Variants in OR3A2 observed in about 807,000 individuals in gnomAD.
The protein encoded by OR3A2 is olfactory receptor family 3 subfamily A member 2.
For missense variants in OR3A2, 318 were observed against 392.8 expected (o/e 0.81, Z 1.61); for synonymous variants, 126 against 159.3 (o/e 0.79, Z 1.57).
chr17:3,283,526 G>T (rs1010924212), intron 1 of OR3A2, among the ~76,000 whole-genome samples: 1 of 152,126 alleles, frequency 6.6e-6, no homozygotes, highest in Admixed American at 6.5e-5. Flanking sequence ...CGCCCGGCCG[G>T]TATCCAATAT....
At chr17:3,351,062 C>T (rs1248282939) in intron 2 of OR3A2, among the ~76,000 whole-genome samples, 2 of 151,394 alleles carry the variant, frequency 1.3e-5, no homozygotes, top group Non-Finnish European at 3.0e-5. Context: ...CTATGACAAA[C>T]CCACAGCCAA....
rs117552528 is a variant in OR3A2, at chr17:3,345,733, A to G, written c.-178-9607T>C. Among the ~76,000 whole-genome samples, 779 of 152,318 alleles carry G rather than the reference A, an allele frequency of 5.1e-3. 5 individuals are homozygous for G. Among genetic ancestry groups the G allele is most frequent in the Non-Finnish European group, 8.1e-3 (552 of 68,022 alleles). On this transcript the variant is annotated intron_variant, in intron 2 of 4. Transcript: ENST00000573491. ...TTTAAAAAGGCCCCAAAGTTTTAACATCTGAAGAATAAAAATTCTCTAGAA... is the reference window on the plus strand; with the variant it reads ...TTTAAAAAGGCCCCAAAGTTTTAACGTCTGAAGAATAAAAATTCTCTAGAA...
At chr17:3,323,195 C>G (rs936168916) in intron 3 of OR3A2, among the ~76,000 whole-genome samples, 2 of 152,048 alleles carry the variant, frequency 1.3e-5, no homozygotes, top group African/African-American at 4.8e-5. Context: ...CAACCCCTGC[C>G]TTTTTCTGTT....
intron 2 of OR3A2, among the ~76,000 whole-genome samples, chr17:3,383,139 G>T (rs1387329687): frequency 6.6e-6 from 1 of 152,180 alleles, no homozygotes; most frequent in Non-Finnish European, 1.5e-5. Context: ...TAGTGGAATA[G>T]GTTCCTTTGG....
At chr17:3,332,202 A>T (rs944968577) in intron 3 of OR3A2, among the ~76,000 whole-genome samples, 2 of 152,208 alleles carry the variant, frequency 1.3e-5, no homozygotes, top group African/African-American at 4.8e-5. Context: ...GAGCCTACAG[A>T]GGCAGGCAGG....
At chr17:3,279,437 G>T (rs1348545928) in intron 1 of OR3A2, among the ~76,000 whole-genome samples, 1 of 152,186 alleles carries the variant, frequency 6.6e-6, no homozygotes, top group Non-Finnish European at 1.5e-5. Flanking sequence ...CTCTCTGAGG[G>T]ATCATCCCAA....
chr17:3,305,860 G>A (rs1365274798), intron 3 of OR3A2, among the ~76,000 whole-genome samples: 1 of 152,206 alleles, frequency 6.6e-6, no homozygotes, highest in Non-Finnish European at 1.5e-5. Context: ...GTAATTATTT[G>A]GTTCGTGCCT....
intron 2 of OR3A2, among the ~76,000 whole-genome samples, chr17:3,367,668 T>G (rs1478652538): frequency 6.6e-6 from 1 of 150,524 alleles, no homozygotes; most frequent in African/African-American, 2.5e-5. Flanking sequence ...CTTAGATTGG[T>G]TCCATATTTT....
At chr17:3,374,867 C>A (rs1450147878) in intron 2 of OR3A2, among the ~76,000 whole-genome samples, 1 of 152,086 alleles carries the variant, frequency 6.6e-6, no homozygotes, top group African/African-American at 2.4e-5. Flanking sequence ...CCCCTCCCAC[C>A]CTTTCCCCCA....
intron 2 of OR3A2, among the ~76,000 whole-genome samples, chr17:3,375,694 T>C (rs967304015): frequency 2.0e-5 from 3 of 152,182 alleles, no homozygotes; most frequent in Non-Finnish European, 4.4e-5. Context: ...ATTACCAGAA[T>C]TACTTTTCTG....
At chr17:3,345,151 G>C (rs2049351636) in intron 2 of OR3A2, among the ~76,000 whole-genome samples, 1 of 152,252 alleles carries the variant, frequency 6.6e-6, no homozygotes, top group South Asian at 2.1e-4. Flanking sequence ...GATGTAGGTA[G>C]GACAATAAAT....
chr17:3,297,820 G>A (rs962229395), intron 3 of OR3A2, among the ~76,000 whole-genome samples: 2 of 152,144 alleles, frequency 1.3e-5, no homozygotes, highest in East Asian at 1.9e-4. Context: ...TGGGCTGTAG[G>A]AGTTGGGAAA....
intron 3 of OR3A2, among the ~76,000 whole-genome samples, chr17:3,321,958 C>A (rs1208347680): frequency 6.6e-6 from 1 of 152,090 alleles, no homozygotes; most frequent in East Asian, 1.9e-4. Flanking sequence ...AGGAATGGTA[C>A]CAGCTCCTCC....
intron 1 of OR3A2, 103 bp from the exon 4 acceptor site, chr17:3,279,256 T>C (rs775922285): frequency 4.7e-5 from 18 of 381,324 alleles, no homozygotes; most frequent in Non-Finnish European, 7.0e-5. Flanking sequence ...TGGGTAACTA[T>C]GTGAGATGAT....
intron 1 of OR3A2, among the ~76,000 whole-genome samples, chr17:3,280,912 C>T (rs1437728961): frequency 6.6e-6 from 1 of 152,148 alleles, no homozygotes; most frequent in Non-Finnish European, 1.5e-5. Flanking sequence ...GTGGCACGGT[C>T]TTAACTGGTC....
At chr17:3,341,236 T>C (rs1303210832) in intron 2 of OR3A2, among the ~76,000 whole-genome samples, 1 of 151,892 alleles carries the variant, frequency 6.6e-6, no homozygotes, top group Admixed American at 6.6e-5. Context: ...CCAGTCTGTG[T>C]CCTTTAATTG....
At chr17:3,327,653 A>T (rs1275620641) in intron 3 of OR3A2, among the ~76,000 whole-genome samples, 6 of 115,678 alleles carry the variant, frequency 5.2e-5, no homozygotes, top group South Asian at 3.7e-4. Flanking sequence ...CTGAATGGTA[A>T]TGCCTAGGTT....
chr17:3,283,329 G>C (rs1387122390), intron 1 of OR3A2, among the ~76,000 whole-genome samples: 1 of 152,062 alleles, frequency 6.6e-6, no homozygotes, highest in South Asian at 2.1e-4. Context: ...GGGTTCAAGC[G>C]ATTCTCCTGC....
intron 3 of OR3A2, among the ~76,000 whole-genome samples, chr17:3,328,366 G>A (rs1197036353): frequency 1.2e-4 from 8 of 65,968 alleles, no homozygotes; most frequent in African/African-American, 5.9e-4. Flanking sequence ...TTTGTCTGTT[G>A]TTGGTGTATA....
Sources: allele counts gnomAD v4.1 joint callset (sites outside exome capture counted in the v4.1 genomes callset), GRCh38; gene constraint gnomAD v4.1.1; transcripts MANE v1.5; gene names NCBI Gene and HGNC (gene_info 2026-07-23, HGNC 2026-07-21).